XPO6: variants seen among roughly 807,000 people sequenced by gnomAD.
XPO6 encodes the protein exportin 6, also known as exportin-6.
A neutral mutation model predicts 130.0 loss-of-function variants in XPO6; 3 were observed. The ratio of observed to expected loss-of-function variants is 0.02; its 90% CI spans 0.01 to 0.06. XPO6 has a LOEUF of 0.06. Ranked by LOEUF, XPO6 falls within the 10% of genes least tolerant of loss-of-function variation. XPO6 has a pLI of 1.00. For synonymous variants in XPO6, 524 were observed against 548.9 expected, an observed-to-expected ratio of 0.95 and a Z score of 0.63; for missense variants, 970 against 1,393.0, an observed-to-expected ratio of 0.70 and a Z score of 4.83.
chr16:28,160,503 C>CAAAAAAAAAAAAAAAAAAAAA lies in XPO6; in HGVS notation c.644-3977_644-3976insTTTTTTTTTTTTTTTTTTTTT, dbSNP rs1158204334. 5.3e-4 allele frequency among the ~76,000 whole-genome samples: 62 copies of CAAAAAAAAAAAAAAAAAAAAA among 116,634 alleles called. 1 individual carries two copies. Among genetic ancestry groups the CAAAAAAAAAAAAAAAAAAAAA allele is most frequent in the East Asian group, 2.3e-3 (9 of 3,958 alleles). The allele number at this position is 116,634 out of a possible 152,430, so 76.5% of individuals were successfully genotyped here. A position where few individuals can be genotyped will look rare whatever the true frequency, so the allele number is the denominator to read the frequency against. On this transcript the variant is annotated intron_variant, in intron 6 of 23. Transcript: ENST00000304658. Reference sequence around the variant, plus strand: ...TGGATAACAAAGTGAGACTCCATCACCAAAAAAAAAAAAAAAATCAAGTAA... The same window carrying CAAAAAAAAAAAAAAAAAAAAA: ...TGGATAACAAAGTGAGACTCCATCACAAAAAAAAAAAAAAAAAAAAACAAAAAAAAAAAAAAAATCAAGTAA...
chr16:28,176,181 C>T, intron 3 of XPO6, 86 bp from the exon 4 acceptor site: 1 of 1,232,444 alleles, frequency 8.1e-7, no homozygotes, highest in Non-Finnish European at 1.2e-6. Context: ...ATTATCACTT[C>T]AATAAACAAG....
Position 28,101,753 on chromosome 16 carries a change from C to T in XPO6, c.3046-65G>A, listed in dbSNP as rs982034760. 1.3e-6 allele frequency: 2 copies of T among 1,583,198 alleles called. No homozygotes were observed. The highest frequency in any genetic ancestry group is 2.7e-5 in the African/African-American group (2 of 74,308). ...AGGGGCCTGTCCCGGGTCCCATCCA[C>T]TTTCTGTCACACTCTCCAGTGAGTA... On this transcript the variant is annotated intron_variant, in intron 22 of 23. Coordinates refer to ENST00000304658, the MANE Select transcript of XPO6 (RefSeq NM_015171.4). The surrounding 1 kb of genome is among the most constrained non-coding windows in gnomAD (Gnocchi z 5.4).
chr16:28,155,306 A>C (rs1246681768), intron 7 of XPO6, among the ~76,000 whole-genome samples: 1 of 152,204 alleles, frequency 6.6e-6, no homozygotes, highest in Non-Finnish European at 1.5e-5. Flanking sequence ...TAAACCGTCA[A>C]TCTGATTGTT....
intron 9 of XPO6, among the ~76,000 whole-genome samples, chr16:28,140,043 C>A (rs1359638080): frequency 2.0e-5 from 3 of 151,550 alleles, no homozygotes; most frequent in Admixed American, 6.6e-5. Context: ...ACCAGCCTGG[C>A]CAACGTGGCA....
intron 1 of XPO6, among the ~76,000 whole-genome samples, chr16:28,193,154 T>C (rs2043810818): frequency 6.6e-6 from 1 of 152,216 alleles, no homozygotes; most frequent in Admixed American, 6.5e-5. Flanking sequence ...GCCACCTTTA[T>C]ACTTTTTTAA....
At chr16:28,114,136 A>G (rs2086995505) in intron 15 of XPO6, among the ~76,000 whole-genome samples, 1 of 150,134 alleles carries the variant, frequency 6.7e-6, no homozygotes, top group Non-Finnish European at 1.5e-5. Flanking sequence ...GCCCACTAGC[A>G]TATGTAAGAT....
Position 28,156,147 on chromosome 16 carries a change from A to T in XPO6, c.1024T>A (p.Tyr342Asn), listed in dbSNP as rs769924089. Residue 342 changes from tyrosine to asparagine, a missense_variant, in exon 7 of 24, where the codon TAC becomes AAC. Tyr to Asn is a moderately radical substitution (Grantham distance 143). This residue lies in a region of XPO6 where 936 missense variants were observed against 1,306.8 expected (regional missense o/e 0.72). Coordinates refer to ENST00000304658, the MANE Select transcript of XPO6 (RefSeq NM_015171.4). ...TCCTTGGTGATTTTCTGCAGGAGGT[A>T]GAAAGTCTGCTGGAACATACGCAGT... ...YLLRMFQQTF[Y>N]LLQKITKDNN... is the part of the protein sequence containing the mutation. 7 of 1,614,112 alleles carry T rather than the reference A, an allele frequency of 4.3e-6. No individual in the cohort carries two copies. The highest frequency in any genetic ancestry group is 5.9e-6 in the Non-Finnish European group (7 of 1,179,976).
chr16:28,103,384 T>C (rs1209438346), intron 21 of XPO6, among the ~76,000 whole-genome samples: 2 of 152,216 alleles, frequency 1.3e-5, no homozygotes, highest in African/African-American at 4.8e-5. Context: ...GTTCATCCAT[T>C]CAGCTGCTGG....
In XPO6 at chr16:28,160,503, C is replaced by CAAAA. The variant is rs1158204334; in HGVS notation, c.644-3977_644-3976insTTTT. ...TGGATAACAAAGTGAGACTCCATCA[C>CAAAA]CAAAAAAAAAAAAAAAATCAAGTAA... On this transcript the variant is annotated intron_variant, in intron 6 of 23. Transcript: ENST00000304658. Among the ~76,000 whole-genome samples, 43 of 116,666 alleles carry CAAAA rather than the reference C, an allele frequency of 3.7e-4. 3 individuals are homozygous for CAAAA. Among genetic ancestry groups the CAAAA allele is most frequent in the African/African-American group, 1.5e-3 (36 of 24,096 alleles). 76.5% of individuals were successfully genotyped at this position (116,666 alleles called of 152,430 possible).
intron 1 of XPO6, among the ~76,000 whole-genome samples, chr16:28,185,205 C>CA (rs998173137): frequency 3.3e-5 from 5 of 151,446 alleles, no homozygotes; most frequent in African/African-American, 4.9e-5. Flanking sequence ...ACAACAACAA[C>CA]AAAAAAAAGC....
intron 1 of XPO6, among the ~76,000 whole-genome samples, chr16:28,209,640 CAAA>C (rs200663753): frequency 2.3e-5 from 1 of 42,996 alleles, no homozygotes; most frequent in Non-Finnish European, 5.2e-5. Context: ...AACTCCATCT[CAAA>C]AAAAAAAAAA....
At chr16:28,141,039 G>A (rs1239097271) in intron 9 of XPO6, among the ~76,000 whole-genome samples, 1 of 152,222 alleles carries the variant, frequency 6.6e-6, no homozygotes, top group Non-Finnish European at 1.5e-5. Context: ...GAACTAGAAA[G>A]CTGCTAGAGC....
intron 6 of XPO6, 24 bp from the exon 7 acceptor site, chr16:28,156,551 G>A (rs1014724714): frequency 1.3e-6 from 2 of 1,509,214 alleles, no homozygotes; most frequent in Non-Finnish European, 1.8e-6. Flanking sequence ...AGGCTTTTAA[G>A]CTATCCAGCA....
chr16:28,108,574 A>G (rs2086838426), intron 17 of XPO6, among the ~76,000 whole-genome samples: 1 of 152,192 alleles, frequency 6.6e-6, no homozygotes, highest in African/African-American at 2.4e-5. Flanking sequence ...GCGCGAGTGG[A>G]GTCACCCTCT....
intron 9 of XPO6, among the ~76,000 whole-genome samples, chr16:28,144,400 C>CA (rs1282036730): frequency 1.3e-5 from 2 of 152,128 alleles, no homozygotes; most frequent in Non-Finnish European, 2.9e-5. Flanking sequence ...CAAATGGTAC[C>CA]AGTGACTGGT....
chr16:28,098,743 G>T, intron 23 of XPO6, 104 bp from the exon 24 acceptor site: 2 of 781,334 alleles, frequency 2.6e-6, no homozygotes, highest in Non-Finnish European at 4.0e-6. Flanking sequence ...AGATAGGGGA[G>T]CACTTTCTAA....
At chr16:28,180,890 C>T (rs1379533593) in intron 2 of XPO6, 51 bp downstream of exon 2, 2 of 1,485,090 alleles carry the variant, frequency 1.3e-6, no homozygotes, top group South Asian at 2.4e-5. Context: ...TTCCTCCCTA[C>T]CAGGGCCTCC....
At chr16:28,153,733 G>A in intron 7 of XPO6, 1 of 985,412 alleles carries the variant, frequency 1.0e-6, no homozygotes, top group Non-Finnish European at 1.2e-6. Flanking sequence ...AAAAGGTAAA[G>A]ACATACTAGG....
At chr16:28,102,834 G>A (rs1010510036) in intron 21 of XPO6, among the ~76,000 whole-genome samples, 3 of 152,154 alleles carry the variant, frequency 2.0e-5, no homozygotes, top group African/African-American at 7.2e-5. Flanking sequence ...AGAAAGAATA[G>A]AAAGTGACCA....
Sources: allele counts gnomAD v4.1 joint callset (sites outside exome capture counted in the v4.1 genomes callset), GRCh38; gene constraint gnomAD v4.1.1; regional missense constraint gnomAD v4.1.1; non-coding constraint Gnocchi (gnomAD v3.1); transcripts MANE v1.5; gene names NCBI Gene and HGNC (gene_info 2026-07-23, HGNC 2026-07-21).